The following PTGR1 variants were observed in gnomAD, a reference collection of about 807,000 sequenced individuals.
PTGR1 encodes the protein 15-oxoprostaglandin 13-reductase.
In PTGR1, 23 loss-of-function variants were observed where a neutral mutation model predicts 37.7. That is an observed-to-expected ratio of 0.61 (90% CI 0.44 to 0.86). The LOEUF (loss-of-function observed/expected upper bound fraction) is 0.86. PTGR1 is among the 40% of genes least tolerant of loss of function. The probability of loss-of-function intolerance (pLI) is 0.00; values close to 1 mark genes in which losing one functional copy is unlikely to be tolerated. For missense variants in PTGR1, 351 were observed against 394.3 expected (o/e 0.89, Z 0.93); for synonymous variants, 134 against 140.0 (o/e 0.96, Z 0.30).
At chr9:111,579,406 T>C (rs1225773717) in intron 6 of PTGR1, among the ~76,000 whole-genome samples, 1 of 152,140 alleles carries the variant, frequency 6.6e-6, no homozygotes. Flanking sequence ...TAAATGTTTA[T>C]ATTTTTTTGA....
rs182776096 is a variant in PTGR1 at position 111,591,295 on chromosome 9, C to T, written c.209+1631G>A. ...ATGGGCAACAAGAGTGAGACTCCGTCTCAAAAAAAAAATAATAATAAAATA... is the reference window on the plus strand; with the variant it reads ...ATGGGCAACAAGAGTGAGACTCCGTTTCAAAAAAAAAATAATAATAAAATA... On this transcript the variant is annotated intron_variant, in intron 4 of 9. Coordinates refer to ENST00000407693, the MANE Select transcript of PTGR1 (RefSeq NM_001146108.2). 1.2e-3 allele frequency among the ~76,000 whole-genome samples: 180 copies of T among 147,306 alleles called. 2 individuals are homozygous for T. Among genetic ancestry groups the T allele is most frequent in the African/African-American group, 4.1e-3 (165 of 40,038 alleles).
At chr9:111,574,506 A>C in intron 8 of PTGR1, 2 of 290,978 alleles carry the variant, frequency 6.9e-6, no homozygotes, top group Non-Finnish European at 6.4e-6. Flanking sequence ...ACACCACCAC[A>C]CCCAGCTTAT....
At chr9:111,569,038 T>C (rs950230043) in intron 9 of PTGR1, among the ~76,000 whole-genome samples, 5 of 152,218 alleles carry the variant, frequency 3.3e-5, no homozygotes, top group African/African-American at 1.2e-4. Flanking sequence ...ATAACTGAGA[T>C]AGTAAAGTCT....
At position 111,584,866 on chromosome 9, in the gene PTGR1, T is replaced by G. The variant is rs551275985; in HGVS notation, c.377+1132A>C. ...GAAATGATGTGAGAAATCACTGAAT[T>G]TAACTGAGGTTTTCTCTTATTACAC... On this transcript the variant is annotated intron_variant, in intron 5 of 9. Transcript: ENST00000407693. Among the ~76,000 whole-genome samples the G allele has an allele frequency of 3.9e-5, 6 of 152,308 alleles. No individual in the cohort carries two copies. The South Asian group carries it at 1.0e-3, about 26-fold the overall frequency.
chr9:111,553,689 G>A (rs1828037934), intron 9 of PTGR1, among the ~76,000 whole-genome samples: 1 of 152,208 alleles, frequency 6.6e-6, no homozygotes, highest in African/African-American at 2.4e-5. Context: ...TGGTTAAAGT[G>A]AATTGTAGTT....
intron 2 of PTGR1, 139 bp downstream of exon 2, chr9:111,597,178 C>T: frequency 1.5e-6 from 1 of 670,052 alleles, no homozygotes; most frequent in South Asian, 1.8e-5. Flanking sequence ...TTAACTCAGC[C>T]CAAATTGCCA....
rs1828984181 is a variant in PTGR1 at position 111,574,805 on chromosome 9, A to C, written c.689T>G (p.Met230Arg). 8.7e-6 allele frequency: 14 copies of C among 1,613,764 alleles called. No homozygotes were observed. The highest frequency in any genetic ancestry group is 1.3e-5 in the African/African-American group (1 of 74,898). ...GEFSNTVIGQ[M>R]KKFGRIAICG... ...TATGGCAATCCTTCCAAATTTCTTC[A>C]TCTGGCCGATAACAGTGTTTGAAAA... is the stretch of plus-strand genomic sequence containing the variant. Residue 230 changes from methionine (M) to arginine (R), a missense_variant, in exon 8 of 10, where the codon ATG (methionine) becomes AGG (arginine). Transcript: ENST00000407693.
chr9:111,558,018 G>A (rs1037714104), downstream of PTGR1, among the ~76,000 whole-genome samples: 5 of 152,040 alleles, frequency 3.3e-5, no homozygotes, highest in East Asian at 1.9e-4. Context: ...ATGGTGGTGC[G>A]CGCCTGTAGT....
chr9:111,563,452 T>C, intron 9 of PTGR1: 1 of 425,084 alleles, frequency 2.4e-6, no homozygotes. Context: ...AAATAATAGG[T>C]GTCGGATCAT....
chr9:111,557,129 G>C (rs1354243068), intron 9 of PTGR1, among the ~76,000 whole-genome samples: 1 of 152,152 alleles, frequency 6.6e-6, no homozygotes, highest in East Asian at 1.9e-4. Flanking sequence ...CATTTCCGCA[G>C]CCTTCTTGAA....
intron 3 of PTGR1, 108 bp from the exon 4 acceptor site, chr9:111,593,090 G>GA: frequency 6.9e-7 from 1 of 1,443,476 alleles, no homozygotes. Context: ...CAAGCCAAAT[G>GA]AAAAACTGCT....
chr9:111,556,644 G>A (rs1828131915), intron 9 of PTGR1, among the ~76,000 whole-genome samples: 1 of 152,208 alleles, frequency 6.6e-6, no homozygotes, highest in South Asian at 2.1e-4. Context: ...CTGCGGGAGG[G>A]ACCTGGTGGG....
intron 5 of PTGR1, among the ~76,000 whole-genome samples, chr9:111,584,905 G>A (rs536925224): frequency 6.6e-6 from 1 of 152,256 alleles, no homozygotes; most frequent in East Asian, 1.9e-4. Context: ...CCAAAAGGAG[G>A]GCTTGAGGTA....
chr9:111,587,249 T>C (rs1257734839), intron 4 of PTGR1, among the ~76,000 whole-genome samples: 1 of 152,166 alleles, frequency 6.6e-6, no homozygotes, highest in Non-Finnish European at 1.5e-5. Flanking sequence ...GATTCCCTTT[T>C]CTTCATCCAA....
chr9:111,583,400 G>T (rs777907182), intron 6 of PTGR1, 72 bp downstream of exon 6: 24 of 1,281,148 alleles, frequency 1.9e-5, no homozygotes, highest in Non-Finnish European at 2.6e-5. Context: ...GGCCAAGGAA[G>T]ATTTGCTGTG....
chr9:111,596,210 G>A (rs1473517285), intron 2 of PTGR1, among the ~76,000 whole-genome samples: 3 of 152,158 alleles, frequency 2.0e-5, no homozygotes, highest in African/African-American at 7.2e-5. Context: ...TTGTCTCCTT[G>A]CCACTTCTCC....
intron 7 of PTGR1, chr9:111,576,653 T>C (rs1268553513): frequency 2.0e-5 from 10 of 489,788 alleles, no homozygotes; most frequent in Non-Finnish European, 2.2e-5. Context: ...TTTCAGATTA[T>C]AGTCTATGTG....
At chr9:111,583,423 T>C in intron 6 of PTGR1, 49 bp downstream of exon 6, 2 of 1,462,792 alleles carry the variant, frequency 1.4e-6, no homozygotes, top group South Asian at 1.1e-5. Context: ...CACTGTTGCA[T>C]TCCCAATGGG....
chr9:111,554,550 C>T (rs1444931743), intron 9 of PTGR1, among the ~76,000 whole-genome samples: 1 of 152,138 alleles, frequency 6.6e-6, no homozygotes, highest in African/African-American at 2.4e-5. Flanking sequence ...TAGTACCAAA[C>T]CCTGTATGTT....
Sources: gnomAD v4.1 joint callset for allele counts (sites outside exome capture counted in the v4.1 genomes callset) on GRCh38, gnomAD v4.1.1 for gene constraint, MANE v1.5 for transcripts, NCBI Gene and HGNC (gene_info 2026-07-23, HGNC 2026-07-21) for gene names.